The following CCDC85C variants were observed in gnomAD, a reference collection of about 807,000 sequenced individuals.
The protein encoded by CCDC85C is coiled-coil domain-containing protein 85C.
A neutral mutation model predicts 38.3 loss-of-function variants in CCDC85C; 18 were observed. The ratio of observed to expected loss-of-function variants is 0.47; its 90% CI spans 0.33 to 0.70. CCDC85C has a LOEUF of 0.70. Ranked by LOEUF, CCDC85C falls within the 30% of genes least tolerant of loss-of-function variation. CCDC85C has a pLI of 0.03. For synonymous variants in CCDC85C, 264 were observed against 293.8 expected, an observed-to-expected ratio of 0.90 and a Z score of 1.04; for missense variants, 566 against 621.2, an observed-to-expected ratio of 0.91 and a Z score of 0.94.
chr14:99,541,405 C>T (rs1267686190), intron 1 of CCDC85C, among the ~76,000 whole-genome samples: 1 of 152,242 alleles, frequency 6.6e-6, no homozygotes, highest in Non-Finnish European at 1.5e-5. Flanking sequence ...TCTGCGGTGC[C>T]TGATGCTCCT....
intron 1 of CCDC85C, among the ~76,000 whole-genome samples, chr14:99,551,414 T>A (rs1200621910): frequency 6.6e-6 from 1 of 151,796 alleles, no homozygotes; most frequent in African/African-American, 2.4e-5. Flanking sequence ...AGTATGCAGA[T>A]GAGCAGGTGA....
chr14:99,561,709 C>T (rs1170239655), intron 1 of CCDC85C, among the ~76,000 whole-genome samples: 1 of 152,184 alleles, frequency 6.6e-6, no homozygotes, highest in Non-Finnish European at 1.5e-5. Context: ...CCCAGGGCCC[C>T]AGCCTGGAGA....
chr14:99,573,078 A>C, intron 1 of CCDC85C: 1 of 324,178 alleles, frequency 3.1e-6, no homozygotes, highest in South Asian at 2.6e-5. Context: ...GTGAAGCCTA[A>C]GCTGTTTCCG....
chr14:99,588,596 G>A lies in CCDC85C; in HGVS notation c.793+14571C>T, dbSNP rs1003655946. Among the ~76,000 whole-genome samples the A allele has an allele frequency of 1.7e-4, 26 of 152,204 alleles. No individual in the cohort carries two copies. The highest frequency in any genetic ancestry group is 5.5e-4 in the African/African-American group (23 of 41,540). On this transcript the variant is annotated intron_variant, in intron 1 of 5. Transcript: ENST00000380243. This position sits in a 1 kb window ranked among gnomAD's most constrained non-coding sequence, Gnocchi z 5.0. ...GCTGGCCCGGGAGGCCTGAGGAAGCGAGCTGGGGAGAGGGAAGCCTGGCAC... is the reference window on the plus strand; with the variant it reads ...GCTGGCCCGGGAGGCCTGAGGAAGCAAGCTGGGGAGAGGGAAGCCTGGCAC...
intron 2 of CCDC85C, among the ~76,000 whole-genome samples, chr14:99,523,925 C>T (rs1323766449): frequency 6.6e-6 from 1 of 151,384 alleles, no homozygotes; most frequent in Admixed American, 6.6e-5. Flanking sequence ...AAGGAAAGCC[C>T]CCTCCCCACC....
Position 99,603,752 on chromosome 14 carries a change from G to A in CCDC85C, c.208C>T (p.Leu70Phe). Residue 70 changes from leucine (L) to phenylalanine (F), a missense_variant, in exon 1 of 6, where the codon CTC (leucine) becomes TTC (phenylalanine). This residue lies in a region of CCDC85C where 269 missense variants were observed against 308.2 expected (regional missense o/e 0.87). Coordinates refer to ENST00000380243, the MANE Select transcript of CCDC85C (RefSeq NM_001144995.2). The surrounding 1 kb of genome is among the most constrained non-coding windows in gnomAD (Gnocchi z 7.5). ...LQQHLLEIRGLKDVNQRLQDD... is the reference protein window; with the variant it reads ...LQQHLLEIRGFKDVNQRLQDD... ...TGCAGCCGCTGGTTCACGTCCTTGAGGCCGCGGATCTCCAGCAGGTGCTGC... is the reference window on the plus strand; with the variant it reads ...TGCAGCCGCTGGTTCACGTCCTTGAAGCCGCGGATCTCCAGCAGGTGCTGC... The A allele has an allele frequency of 6.6e-7, 1 of 1,524,394 alleles. No homozygotes were observed. The highest frequency in any genetic ancestry group is 8.8e-7 in the Non-Finnish European group (1 of 1,141,834). 94.4% of individuals were successfully genotyped at this position (1,524,394 alleles called of 1,614,324 possible). A position where few individuals can be genotyped will look rare whatever the true frequency, so the allele number is the denominator to read the frequency against.
rs78358218 is a variant in CCDC85C, at chr14:99,562,761, G to A, written c.794-26673C>T. On this transcript the variant is annotated intron_variant, in intron 1 of 5. Coordinates refer to ENST00000380243, the MANE Select transcript of CCDC85C (RefSeq NM_001144995.2). ...CTCACACACACATGCATGCACACAC[G>A]TGTGTACAAATGTATGCACATGCCC... is the stretch of plus-strand genomic sequence containing the variant. Among the ~76,000 whole-genome samples the A allele has an allele frequency of 8.1e-4, 26 of 32,018 alleles. 1 individual carries two copies. Among genetic ancestry groups the A allele is most frequent in the Middle Eastern group, 0.012 (1 of 86 alleles). 21.0% of individuals were successfully genotyped at this position (32,018 alleles called of 152,430 possible). A position where few individuals can be genotyped will look rare whatever the true frequency, so the allele number is the denominator to read the frequency against.
At position 99,574,699 on chromosome 14, in the gene CCDC85C, A is replaced by G. The variant is rs115267995; in HGVS notation, c.793+28468T>C. On this transcript the variant is annotated intron_variant, in intron 1 of 5. Transcript: ENST00000380243. Reference sequence around the variant, plus strand: ...GCTGGGAAGGAGCTTCATGAGCACCATCTGATTTACTTGGTCCTTGTGTCC... The same window carrying G: ...GCTGGGAAGGAGCTTCATGAGCACCGTCTGATTTACTTGGTCCTTGTGTCC... 4.2e-3 allele frequency among the ~76,000 whole-genome samples: 635 copies of G among 152,338 alleles called. 3 individuals carry two copies. The highest frequency in any genetic ancestry group is 0.014 in the African/African-American group (602 of 41,576).
At position 99,500,373 on chromosome 14, in the gene CCDC85C, A is replaced by G. The variant is rs1383914409; in HGVS notation, c.*14873T>C. On this transcript the variant is annotated 3_prime_UTR_variant, in exon 6 of 6. Coordinates refer to ENST00000380243, the MANE Select transcript of CCDC85C (RefSeq NM_001144995.2). ...TATCATAAACTCTTTCTTGCTTAAAATGTTTTCAATGAAAATTCCTAAAAG... is the reference window on the plus strand; with the variant it reads ...TATCATAAACTCTTTCTTGCTTAAAGTGTTTTCAATGAAAATTCCTAAAAG... The G allele has an allele frequency of 4.9e-6, 1 of 203,694 alleles. No individual in the cohort carries two copies. Among genetic ancestry groups the G allele is most frequent in the Non-Finnish European group, 1.0e-5 (1 of 100,220 alleles). 12.6% of individuals were successfully genotyped at this position (203,694 alleles called of 1,614,324 possible).
Position 99,500,364 on chromosome 14 carries a change from T to G in CCDC85C, c.*14882A>C, listed in dbSNP as rs1248610471. On this transcript the variant is annotated 3_prime_UTR_variant, in exon 6 of 6. Transcript: ENST00000380243. ...GAGGCTGGCTATCATAAACTCTTTC[T>G]TGCTTAAAATGTTTTCAATGAAAAT... 10 of 203,176 alleles carry G rather than the reference T, an allele frequency of 4.9e-5. No homozygotes were observed. In the Admixed American group the frequency reaches 5.4e-4, roughly 11 times the overall value. The allele number at this position is 203,176 out of a possible 1,614,324, so 12.6% of individuals were successfully genotyped here.
At chr14:99,566,919 G>A (rs1398981304) in intron 1 of CCDC85C, among the ~76,000 whole-genome samples, 2 of 152,194 alleles carry the variant, frequency 1.3e-5, no homozygotes, top group African/African-American at 4.8e-5. Context: ...GCGGCCTGCC[G>A]TGCCCTGGCT....
At chr14:99,523,514 A>T (rs1461091821) in intron 2 of CCDC85C, among the ~76,000 whole-genome samples, 1 of 152,124 alleles carries the variant, frequency 6.6e-6, no homozygotes, top group Non-Finnish European at 1.5e-5. Flanking sequence ...ATGCTCTATT[A>T]CCAGCTCCCA....
chr14:99,601,666 C>T (rs1054128992), intron 1 of CCDC85C, among the ~76,000 whole-genome samples: 1 of 152,184 alleles, frequency 6.6e-6, no homozygotes, highest in Non-Finnish European at 1.5e-5. Flanking sequence ...CTGAGGTGCT[C>T]TGAACAGCCC....
At chr14:99,556,136 A>G (rs1335700040) in intron 1 of CCDC85C, among the ~76,000 whole-genome samples, 1 of 152,264 alleles carries the variant, frequency 6.6e-6, no homozygotes, top group East Asian at 1.9e-4. Flanking sequence ...ACAATCACTC[A>G]GGCCGGGTGC....
At position 99,520,321 on chromosome 14, in the gene CCDC85C, G is replaced by A. The variant is rs922239189; in HGVS notation, c.975+1812C>T. 1.3e-5 allele frequency among the ~76,000 whole-genome samples: 2 copies of A among 152,124 alleles called. No homozygotes were observed. Among genetic ancestry groups the A allele is most frequent in the East Asian group, 3.9e-4 (2 of 5,172 alleles). On this transcript the variant is annotated intron_variant, in intron 3 of 5. Transcript: ENST00000380243. The surrounding 1 kb of genome is among the most constrained non-coding windows in gnomAD (Gnocchi z 4.1). The stretch of plus-strand genomic sequence containing the variant: ...ATGGGCTCTCCAGGCCCCAGCAAGG[G>A]CCTCTGGCCCTGGCCCCTCCACAGC...
chr14:99,542,388 C>T (rs1056538292), intron 1 of CCDC85C, among the ~76,000 whole-genome samples: 9 of 152,206 alleles, frequency 5.9e-5, no homozygotes, highest in South Asian at 2.1e-4. Flanking sequence ...ACCAGGGACA[C>T]GGACGGAGAT....
Position 99,508,513 on chromosome 14 carries a change from A to C in CCDC85C, c.*6733T>G. ...CCTGGGTGCCAGATACACTGCCAGG[A>C]GGCCATGGCTGAAGAGAGCAGGGCC... On this transcript the variant is annotated 3_prime_UTR_variant, in exon 6 of 6. Transcript: ENST00000380243. The C allele has an allele frequency of 6.5e-6, 1 of 152,712 alleles. No individual in the cohort carries two copies. The highest frequency in any genetic ancestry group is 1.5e-5 in the Non-Finnish European group (1 of 68,344). 9.5% of individuals were successfully genotyped at this position (152,712 alleles called of 1,614,324 possible).
chr14:99,554,522 G>A (rs1339767048), intron 1 of CCDC85C, among the ~76,000 whole-genome samples: 2 of 152,208 alleles, frequency 1.3e-5, no homozygotes, highest in East Asian at 1.9e-4. Flanking sequence ...CTGGCAGCCC[G>A]CACATCACTG....
intron 1 of CCDC85C, among the ~76,000 whole-genome samples, chr14:99,577,447 T>C (rs1260492187): frequency 1.5e-5 from 2 of 135,558 alleles, no homozygotes; most frequent in African/African-American, 5.4e-5. Flanking sequence ...GGTGACTCCA[T>C]GTCTGCCGCC....
Sources: gnomAD v4.1 joint callset for allele counts (sites outside exome capture counted in the v4.1 genomes callset) on GRCh38, gnomAD v4.1.1 for gene constraint, gnomAD v4.1.1 regional missense constraint, Gnocchi (gnomAD v3.1) non-coding constraint, MANE v1.5 for transcripts, NCBI Gene and HGNC (gene_info 2026-07-23, HGNC 2026-07-21) for gene names.